Variants in PHACTR3 observed in about 807,000 individuals in gnomAD.
The protein encoded by PHACTR3 is phosphatase and actin regulator 3, also known as protein phosphatase 1, regulatory subunit 123.
PHACTR3 carries 16 observed loss-of-function variants against 66.8 expected under a neutral mutation model. That is an observed-to-expected ratio of 0.24 (90% CI 0.16 to 0.36). The LOEUF (loss-of-function observed/expected upper bound fraction) is 0.36, where lower values mean the gene tolerates loss of function less well. Among genes scored for constraint, PHACTR3 ranks in the 10% least tolerant of loss-of-function variants. The probability of loss-of-function intolerance (pLI) is 1.00; values close to 1 mark genes in which losing one functional copy is unlikely to be tolerated. For synonymous variants in PHACTR3, 323 were observed against 292.1 expected (o/e 1.11, Z -1.08); for missense variants, 647 against 719.9 (o/e 0.90, Z 1.16).
chr20:59,702,787 C>T (rs568048306), intron 1 of PHACTR3, among the ~76,000 whole-genome samples: 129 of 152,284 alleles, frequency 8.5e-4, no homozygotes, highest in Non-Finnish European at 8.5e-4. Context: ...TGTATTCATC[C>T]GTGAAAAGAG....
intron 4 of PHACTR3, among the ~76,000 whole-genome samples, chr20:59,756,210 C>T (rs887416812): frequency 1.3e-5 from 2 of 152,174 alleles, no homozygotes; most frequent in African/African-American, 4.8e-5. Flanking sequence ...GCCCACCTGG[C>T]AGAGTGATTC....
chr20:59,826,194 G>C (rs1485548821), intron 8 of PHACTR3, among the ~76,000 whole-genome samples: 1 of 152,082 alleles, frequency 6.6e-6, no homozygotes, highest in Non-Finnish European at 1.5e-5. Flanking sequence ...GAGATCAGTG[G>C]GGTGGGGGAG....
chr20:59,832,836 C>T (rs2042424476), intron 8 of PHACTR3, among the ~76,000 whole-genome samples: 2 of 152,206 alleles, frequency 1.3e-5, no homozygotes, highest in African/African-American at 4.8e-5. Flanking sequence ...TGGATCCCAA[C>T]TAAAGTGTCA....
chr20:59,828,300 G>A (rs1242610736), intron 8 of PHACTR3, among the ~76,000 whole-genome samples: 2 of 152,194 alleles, frequency 1.3e-5, no homozygotes, highest in Non-Finnish European at 2.9e-5. Context: ...CTCAGGGCAT[G>A]GAGTGACCAG....
chr20:59,814,954 G>A (rs148447740), intron 8 of PHACTR3, among the ~76,000 whole-genome samples: 7 of 152,248 alleles, frequency 4.6e-5, no homozygotes, highest in African/African-American at 1.7e-4. Flanking sequence ...AGGAGGTGGG[G>A]GGAGGGTGAG....
In PHACTR3 at chr20:59,847,366, A is replaced by ACT. The variant is rs2059169832; in HGVS notation, c.*236_*237insCT. On this transcript the variant is annotated 3_prime_UTR_variant, in exon 13 of 13. Coordinates refer to ENST00000371015, the MANE Select transcript of PHACTR3 (RefSeq NM_080672.5). ...GAGTGTGAACTGTTGGGGTCAGTTA[A>ACT]GACCCAACATAACTCTATCAGAAGA... 2.8e-5 allele frequency: 11 copies of ACT among 399,214 alleles called. No individual in the cohort carries two copies. Among genetic ancestry groups the ACT allele is most frequent in the Non-Finnish European group, 4.2e-5 (9 of 215,278 alleles). The allele number at this position is 399,214 out of a possible 1,614,324, so 24.7% of individuals were successfully genotyped here. A position where few individuals can be genotyped will look rare whatever the true frequency, so the allele number is the denominator to read the frequency against.
chr20:59,607,709 G>A (rs2033715294), intron 1 of PHACTR3, among the ~76,000 whole-genome samples: 1 of 152,166 alleles, frequency 6.6e-6, no homozygotes, highest in South Asian at 2.1e-4. Context: ...AATGGCATAT[G>A]GGAATGTGCT....
At chr20:59,777,604 C>A (rs2146909414) in intron 7 of PHACTR3, among the ~76,000 whole-genome samples, 1 of 152,340 alleles carries the variant, frequency 6.6e-6, no homozygotes, top group Non-Finnish European at 1.5e-5. Context: ...CAACACTGAA[C>A]CTTCCTTCCT....
chr20:59,797,045 GCTCT>G (rs1056288744), intron 7 of PHACTR3, among the ~76,000 whole-genome samples: 1 of 151,940 alleles, frequency 6.6e-6, no homozygotes, highest in African/African-American at 2.4e-5. Context: ...TTAATCCTTT[GCTCT>G]CTCTCTTTTC....
intron 8 of PHACTR3, 53 bp downstream of exon 8, chr20:59,806,247 G>A: frequency 6.3e-7 from 1 of 1,581,064 alleles, no homozygotes; most frequent in South Asian, 1.2e-5. Context: ...CTTGCAGGCG[G>A]AGCCCCTCTG....
chr20:59,741,267 T>C (rs2039151217), intron 1 of PHACTR3, among the ~76,000 whole-genome samples: 2 of 152,236 alleles, frequency 1.3e-5, no homozygotes, highest in African/African-American at 4.8e-5. Context: ...GACCACGCGC[T>C]GACCATGGGA....
intron 1 of PHACTR3, among the ~76,000 whole-genome samples, chr20:59,692,929 G>GT (rs1254146328): frequency 6.6e-6 from 1 of 152,186 alleles, no homozygotes; most frequent in African/African-American, 2.4e-5. Flanking sequence ...AAAGGTAATG[G>GT]TTTTTTAACT....
chr20:59,711,512 G>A (rs1601162048), intron 1 of PHACTR3, among the ~76,000 whole-genome samples: 1 of 152,078 alleles, frequency 6.6e-6, no homozygotes, highest in East Asian at 1.9e-4. Flanking sequence ...ACTTACAGTA[G>A]GGTTTTGTCC....
intron 5 of PHACTR3, among the ~76,000 whole-genome samples, chr20:59,771,775 C>T (rs149963489): frequency 1.6e-4 from 25 of 152,334 alleles, no homozygotes; most frequent in East Asian, 5.8e-4. Flanking sequence ...GTAGAGAAAG[C>T]GAAATAACTA....
chr20:59,660,428 A>G (rs1009029797), intron 1 of PHACTR3, among the ~76,000 whole-genome samples: 5 of 152,224 alleles, frequency 3.3e-5, no homozygotes, highest in Admixed American at 2.0e-4. Flanking sequence ...CGGGAGGCGG[A>G]GCTTGCAGTG....
intron 11 of PHACTR3, chr20:59,844,081 T>C (rs959457542): frequency 3.3e-5 from 5 of 152,030 alleles, no homozygotes; most frequent in Non-Finnish European, 5.9e-5. Context: ...ATGCTCAACA[T>C]CATTAATCAA....
intron 1 of PHACTR3, among the ~76,000 whole-genome samples, chr20:59,710,988 A>G (rs1568734438): frequency 6.6e-6 from 1 of 152,236 alleles, no homozygotes. Flanking sequence ...ATTCCCAGTC[A>G]TATCAACCAG....
intron 7 of PHACTR3, among the ~76,000 whole-genome samples, chr20:59,795,114 T>G (rs901807583): frequency 2.6e-5 from 4 of 152,156 alleles, no homozygotes; most frequent in African/African-American, 9.6e-5. Flanking sequence ...TATTTTTTGA[T>G]GTAGGCAATT....
intron 1 of PHACTR3, among the ~76,000 whole-genome samples, chr20:59,619,250 C>T (rs2034148326): frequency 6.6e-6 from 1 of 151,908 alleles, no homozygotes; most frequent in Non-Finnish European, 1.5e-5. Context: ...CCTTGGTGGC[C>T]CTGCCCTAAT....
Sources: allele counts gnomAD v4.1 joint callset (sites outside exome capture counted in the v4.1 genomes callset), GRCh38; gene constraint gnomAD v4.1.1; transcripts MANE v1.5; gene names NCBI Gene and HGNC (gene_info 2026-07-23, HGNC 2026-07-21).